Variants in ADGRA3 observed in about 807,000 individuals in gnomAD.
ADGRA3 encodes G-protein coupled receptor 125.
Under a neutral mutation model 119.8 loss-of-function variants are expected in ADGRA3, and 56 were observed. That is an observed-to-expected ratio of 0.47 (90% CI 0.38 to 0.58). The LOEUF (loss-of-function observed/expected upper bound fraction) is 0.58, where lower values mean the gene tolerates loss of function less well. Among genes scored for constraint, ADGRA3 ranks in the 20% least tolerant of loss-of-function variants. ADGRA3 has a pLI of 0.00. For missense variants in ADGRA3, 1,516 were observed against 1,649.0 expected (o/e 0.92, Z 1.40); for synonymous variants, 607 against 623.8 (o/e 0.97, Z 0.40).
At chr4:22,393,199 G>A (rs1429388241) in intron 16 of ADGRA3, 1 of 152,016 alleles carries the variant, frequency 6.6e-6, no homozygotes, top group Non-Finnish European at 1.5e-5. Context: ...GCTAATTTTT[G>A]TATTTTTAGT....
intron 14 of ADGRA3, 110 bp from the exon 15 acceptor site, chr4:22,402,909 T>C (rs1408980008): frequency 4.0e-6 from 4 of 1,007,204 alleles, no homozygotes; most frequent in Non-Finnish European, 5.8e-6. Flanking sequence ...CTGGCCCTTA[T>C]GTCTCTTTAT....
intron 3 of ADGRA3, 96 bp downstream of exon 3, chr4:22,461,641 T>G: frequency 1.1e-6 from 1 of 896,990 alleles, no homozygotes. Flanking sequence ...GCTCAAAAAA[T>G]TATTAAATGT....
chr4:22,447,299 T>C lies in ADGRA3; in HGVS notation c.545+141A>G, dbSNP rs151293553. 6.9e-5 allele frequency: 40 copies of C among 582,716 alleles called. No homozygotes were observed. The African/African-American group carries it at 7.5e-4, about 11-fold the overall frequency. The allele number at this position is 582,716 out of a possible 1,614,324, so 36.1% of individuals were successfully genotyped here. On this transcript the variant is annotated intron_variant, in intron 5 of 18. Coordinates refer to ENST00000334304, the MANE Select transcript of ADGRA3 (RefSeq NM_145290.4). ...TTCAGGGTTACTGTATGTTTTTCAATGTGAATGCAAGCTCTCAAGTGAGAC... is the reference window on the plus strand; with the variant it reads ...TTCAGGGTTACTGTATGTTTTTCAACGTGAATGCAAGCTCTCAAGTGAGAC...
chr4:22,482,281 T>C (rs1718281255), intron 1 of ADGRA3, among the ~76,000 whole-genome samples: 1 of 152,130 alleles, frequency 6.6e-6, no homozygotes, highest in Non-Finnish European at 1.5e-5. Context: ...CATAATTGCA[T>C]CCTCACAAAA....
At chr4:22,413,946 AAC>A (rs1430358159) in intron 12 of ADGRA3, 132 bp from the exon 13 acceptor site, 21 of 587,268 alleles carry the variant, frequency 3.6e-5, no homozygotes, top group Non-Finnish European at 5.7e-5. Flanking sequence ...TACAAAATTT[AAC>A]AGTTAAAAAA....
chr4:22,404,475 G>A (rs1202482759), intron 14 of ADGRA3, among the ~76,000 whole-genome samples: 1 of 152,174 alleles, frequency 6.6e-6, no homozygotes, highest in African/African-American at 2.4e-5. Context: ...GCAGAGATGA[G>A]AACAGAGGAA....
chr4:22,408,350 A>G (rs1187166332), intron 14 of ADGRA3, among the ~76,000 whole-genome samples: 3 of 2,896 alleles, frequency 1.0e-3, no homozygotes, highest in Admixed American at 4.6e-3. Context: ...ATATTGAGGA[A>G]AAAAAAAGGC....
intron 14 of ADGRA3, among the ~76,000 whole-genome samples, chr4:22,412,916 GACTA>G (rs1236867712): frequency 2.0e-5 from 3 of 152,024 alleles, no homozygotes; most frequent in Non-Finnish European, 4.4e-5. Context: ...TAAGGTCAAA[GACTA>G]ACTGAACTGA....
intron 17 of ADGRA3, among the ~76,000 whole-genome samples, chr4:22,389,865 G>A (rs1423098631): frequency 6.6e-6 from 1 of 152,112 alleles, no homozygotes; most frequent in African/African-American, 2.4e-5. Flanking sequence ...TGATCTCTCT[G>A]AAAATAAATT....
chr4:22,454,760 A>T, intron 4 of ADGRA3, 106 bp downstream of exon 4: 1 of 803,108 alleles, frequency 1.2e-6, no homozygotes, highest in South Asian at 1.5e-5. Flanking sequence ...GGCTTCTATA[A>T]CCCCTACAGT....
At chr4:22,512,286 T>A (rs539357480) in intron 1 of ADGRA3, among the ~76,000 whole-genome samples, 2 of 152,158 alleles carry the variant, frequency 1.3e-5, no homozygotes, top group East Asian at 3.9e-4. Context: ...CTGGTTGCCC[T>A]CCTCTGGGTT....
chr4:22,509,361 G>A (rs1577391823), intron 1 of ADGRA3, among the ~76,000 whole-genome samples: 1 of 151,918 alleles, frequency 6.6e-6, no homozygotes, highest in Non-Finnish European at 1.5e-5. Flanking sequence ...AAATTAGCTG[G>A]GCGTGGTGGC....
In ADGRA3 at chr4:22,421,031, A is replaced by T; in HGVS notation, c.1664T>A (p.Met555Lys). The T allele has an allele frequency of 6.2e-7, 1 of 1,614,106 alleles. No individual in the cohort carries two copies. Among genetic ancestry groups the T allele is most frequent in the Non-Finnish European group, 8.5e-7 (1 of 1,179,964 alleles). ...YVIKSTGFTG[M>K]TCTVFQKVAA... ...CACTTTCTGGAACACGGTACAGGTCATCCCCGTGAAGCCAGTAGACTTGAT... is the reference window on the plus strand; with the variant it reads ...CACTTTCTGGAACACGGTACAGGTCTTCCCCGTGAAGCCAGTAGACTTGAT... The change falls in exon 12 of 19, where the codon ATG becomes AAG. Residue 555 changes from methionine (M) to lysine (K), a missense_variant. Around this residue, in one of 2 missense-constraint regions of ADGRA3, gnomAD observed 1,088 missense variants for 1,107.1 expected, o/e 0.98. Transcript: ENST00000334304.
chr4:22,458,538 T>C (rs1452776227), intron 3 of ADGRA3, among the ~76,000 whole-genome samples: 2 of 152,226 alleles, frequency 1.3e-5, no homozygotes, highest in African/African-American at 2.4e-5. Flanking sequence ...CTGATTTACC[T>C]GTGTGTCTCC....
chr4:22,483,994 T>TA (rs397752199), intron 1 of ADGRA3, among the ~76,000 whole-genome samples: 3 of 151,594 alleles, frequency 2.0e-5, no homozygotes, highest in South Asian at 2.1e-4. Context: ...ACATTTTTTT[T>TA]AAAGCTGTTA....
At chr4:22,501,043 T>G (rs1719032798) in intron 1 of ADGRA3, among the ~76,000 whole-genome samples, 1 of 152,126 alleles carries the variant, frequency 6.6e-6, no homozygotes, top group Admixed American at 6.5e-5. Flanking sequence ...CACCTGATTC[T>G]CAGACTCTCA....
chr4:22,448,062 CTG>C (rs1308215860), intron 4 of ADGRA3, among the ~76,000 whole-genome samples: 1 of 152,046 alleles, frequency 6.6e-6, no homozygotes, highest in Non-Finnish European at 1.5e-5. Context: ...CTAGTCTATC[CTG>C]TGTTAGCAGG....
intron 1 of ADGRA3, among the ~76,000 whole-genome samples, chr4:22,487,016 A>T (rs1560341696): frequency 1.3e-5 from 2 of 152,142 alleles, no homozygotes; most frequent in South Asian, 2.1e-4. Context: ...TTTCATTATC[A>T]GCATCTTCTG....
At chr4:22,456,427 C>T (rs1717240881) in intron 3 of ADGRA3, among the ~76,000 whole-genome samples, 1 of 152,096 alleles carries the variant, frequency 6.6e-6, no homozygotes, top group Non-Finnish European at 1.5e-5. Flanking sequence ...AAAGAGAGGG[C>T]TTGTCTCTCT....
Sources: gnomAD v4.1 joint callset for allele counts (sites outside exome capture counted in the v4.1 genomes callset) on GRCh38, gnomAD v4.1.1 for gene constraint, gnomAD v4.1.1 regional missense constraint, MANE v1.5 for transcripts, NCBI Gene and HGNC (gene_info 2026-07-23, HGNC 2026-07-21) for gene names.